The following DLG2 variants were observed in gnomAD, a reference collection of about 807,000 sequenced individuals.
DLG2 encodes the protein discs large MAGUK scaffold protein 2.
In DLG2, 45 loss-of-function variants were observed where a neutral mutation model predicts 132.5. The ratio of observed to expected loss-of-function variants is 0.34; its 90% CI spans 0.27 to 0.44. The LOEUF (loss-of-function observed/expected upper bound fraction) is 0.44, where lower values mean the gene tolerates loss of function less well. DLG2 is among the 20% of genes least tolerant of loss of function. The probability of loss-of-function intolerance (pLI) is 1.00; values close to 1 mark genes in which losing one functional copy is unlikely to be tolerated. For synonymous variants in DLG2, 424 were observed against 419.6 expected (o/e 1.01, Z -0.13); for missense variants, 1,045 against 1,196.9 (o/e 0.87, Z 1.87).
chr11:84,837,747 C>G (rs560603892), intron 6 of DLG2, among the ~76,000 whole-genome samples: 16 of 151,962 alleles, frequency 1.1e-4, no homozygotes, highest in African/African-American at 3.6e-4. Context: ...AGAGCAATAT[C>G]AGTGCCTTGA....
At chr11:83,516,859 C>G (rs1400145526) in intron 21 of DLG2, among the ~76,000 whole-genome samples, 2 of 152,236 alleles carry the variant, frequency 1.3e-5, no homozygotes, top group Non-Finnish European at 2.9e-5. Context: ...GGGCCCGTCT[C>G]TCTTCTGGCT....
intron 7 of DLG2, among the ~76,000 whole-genome samples, chr11:84,444,149 G>A (rs1356584133): frequency 6.6e-6 from 1 of 151,992 alleles, no homozygotes; most frequent in Non-Finnish European, 1.5e-5. Context: ...CTTATAAGTG[G>A]GAGCTGAATG....
chr11:84,150,741 G>C (rs1267385452), intron 9 of DLG2, among the ~76,000 whole-genome samples: 1 of 152,102 alleles, frequency 6.6e-6, no homozygotes, highest in Non-Finnish European at 1.5e-5. Flanking sequence ...GTTGACTACA[G>C]GAATTTCATA....
At chr11:84,566,508 G>C (rs2099456505) in intron 6 of DLG2, among the ~76,000 whole-genome samples, 1 of 152,122 alleles carries the variant, frequency 6.6e-6, no homozygotes, top group Non-Finnish European at 1.5e-5. Flanking sequence ...TTGCAACACA[G>C]CTTTGTTTGT....
At chr11:84,740,997 C>A (rs144989802) in intron 6 of DLG2, among the ~76,000 whole-genome samples, 114 of 152,052 alleles carry the variant, frequency 7.5e-4, no homozygotes, top group African/African-American at 2.7e-3. Flanking sequence ...AGAAGCATCC[C>A]CATGGACTAC....
chr11:84,764,328 A>G (rs1384044286), intron 6 of DLG2, among the ~76,000 whole-genome samples: 1 of 152,154 alleles, frequency 6.6e-6, no homozygotes, highest in African/African-American at 2.4e-5. Context: ...TCAAATAAGT[A>G]CTTATTCTTC....
chr11:84,927,279 T>C (rs2047506187), intron 6 of DLG2, among the ~76,000 whole-genome samples: 2 of 152,052 alleles, frequency 1.3e-5, no homozygotes, highest in South Asian at 2.1e-4. Flanking sequence ...GATTGGACTA[T>C]CTAGTTCTTA....
intron 4 of DLG2, among the ~76,000 whole-genome samples, chr11:85,193,977 T>C (rs752061430): frequency 1.3e-5 from 2 of 152,246 alleles, no homozygotes; most frequent in South Asian, 4.1e-4. Context: ...GGAATAACAA[T>C]GGGGCCTCAG....
intron 6 of DLG2, among the ~76,000 whole-genome samples, chr11:84,637,348 G>C (rs908984465): frequency 6.6e-6 from 1 of 152,158 alleles, no homozygotes; most frequent in Non-Finnish European, 1.5e-5. Context: ...TCACAGCATT[G>C]TTTATATTGA....
At chr11:85,191,721 GT>G (rs1186144808) in intron 4 of DLG2, among the ~76,000 whole-genome samples, 1 of 152,146 alleles carries the variant, frequency 6.6e-6, no homozygotes, top group East Asian at 1.9e-4. Flanking sequence ...TTTTCTGGGA[GT>G]TTTTTCCTCC....
intron 6 of DLG2, among the ~76,000 whole-genome samples, chr11:84,836,229 A>G (rs2154001679): frequency 6.6e-6 from 1 of 151,974 alleles, no homozygotes; most frequent in African/African-American, 2.4e-5. Flanking sequence ...ACTTAGTCAG[A>G]AATTTACAAG....
At chr11:83,953,966 A>C (rs2086161748) in intron 14 of DLG2, among the ~76,000 whole-genome samples, 1 of 152,216 alleles carries the variant, frequency 6.6e-6, no homozygotes, top group Non-Finnish European at 1.5e-5. Flanking sequence ...TTACTCCATT[A>C]AAAATGTAAT....
At chr11:85,080,107 C>T (rs1164509076) in intron 6 of DLG2, among the ~76,000 whole-genome samples, 1 of 152,078 alleles carries the variant, frequency 6.6e-6, no homozygotes, top group African/African-American at 2.4e-5. Flanking sequence ...TTGTATCCCT[C>T]AAAATTGGCC....
At chr11:84,943,246 A>C (rs1280750188) in intron 6 of DLG2, among the ~76,000 whole-genome samples, 1 of 150,960 alleles carries the variant, frequency 6.6e-6, no homozygotes, top group African/African-American at 2.4e-5. Flanking sequence ...AGTTTTGTCC[A>C]CTTACATTCA....
intron 19 of DLG2, among the ~76,000 whole-genome samples, chr11:83,550,669 T>G (rs516435): frequency 0.63 from 96,097 of 152,028 alleles, 30,538 homozygotes; most frequent in African/African-American, 0.68. Flanking sequence ...GCCATCAGCT[T>G]GCTACTCAAA....
chr11:85,530,319 TTTTA>T (rs1275526080), intron 3 of DLG2, among the ~76,000 whole-genome samples: 7 of 148,258 alleles, frequency 4.7e-5, no homozygotes, highest in Admixed American at 2.0e-4. Flanking sequence ...ATTTTATTTA[TTTTA>T]TTTATTTTTT....
At chr11:84,197,244 T>C (rs59681368) in intron 8 of DLG2, among the ~76,000 whole-genome samples, 6,992 of 152,176 alleles carry the variant, frequency 0.046, 196 homozygotes, top group Middle Eastern at 0.061. Context: ...ATACCTAATA[T>C]ATTCATTTCC....
chr11:85,617,598 TG>T (rs560087460), intron 2 of DLG2, among the ~76,000 whole-genome samples: 64 of 152,364 alleles, frequency 4.2e-4, no homozygotes, highest in African/African-American at 1.5e-3. Flanking sequence ...CTTTGTTGAA[TG>T]GATAAATGAT....
At chr11:84,298,486 A>T (rs958378219) in intron 7 of DLG2, among the ~76,000 whole-genome samples, 1 of 152,152 alleles carries the variant, frequency 6.6e-6, no homozygotes, top group African/African-American at 2.4e-5. Flanking sequence ...TTCCACCTCT[A>T]CCAATTTTTA....
Sources: allele counts gnomAD v4.1 joint callset (sites outside exome capture counted in the v4.1 genomes callset), GRCh38; gene constraint gnomAD v4.1.1; transcripts MANE v1.5; gene names NCBI Gene and HGNC (gene_info 2026-07-23, HGNC 2026-07-21).